DOCK3: variants seen among roughly 807,000 people sequenced by gnomAD.
DOCK3 encodes the protein dedicator of cytokinesis protein 3.
Under a neutral mutation model 265.6 loss-of-function variants are expected in DOCK3, and 60 were observed. That is an observed-to-expected ratio of 0.23 (90% CI 0.18 to 0.28). DOCK3 has a LOEUF of 0.28. DOCK3 is among the 10% of genes least tolerant of loss of function. The pLI, the probability that DOCK3 is intolerant of heterozygous loss-of-function variation, is 1.00. For synonymous variants in DOCK3, 881 were observed against 938.0 expected, an observed-to-expected ratio of 0.94 and a Z score of 1.11; for missense variants, 1,981 against 2,594.3, an observed-to-expected ratio of 0.76 and a Z score of 5.14.
intron 4 of DOCK3, among the ~76,000 whole-genome samples, chr3:50,892,440 C>G (rs2048686565): frequency 6.6e-6 from 1 of 152,032 alleles, no homozygotes; most frequent in African/African-American, 2.4e-5. Context: ...ACAGAGTAGA[C>G]ACGTTGAAAT....
In DOCK3 at chr3:51,075,263, A is replaced by T. The variant is rs569049127; in HGVS notation, c.465-93A>T. 1.6e-4 allele frequency: 159 copies of T among 1,000,254 alleles called. No individual in the cohort carries two copies. The South Asian group carries it at 2.3e-3, about 15-fold the overall frequency. 62.0% of individuals were successfully genotyped at this position (1,000,254 alleles called of 1,614,324 possible). A position where few individuals can be genotyped will look rare whatever the true frequency, so the allele number is the denominator to read the frequency against. On this transcript the variant is annotated intron_variant, in intron 6 of 52. Coordinates refer to ENST00000266037, the MANE Select transcript of DOCK3 (RefSeq NM_004947.5). Reference sequence around the variant, plus strand: ...TAGGACAGTGTCTGATCCTCTGTCCACAAGATGTGGCAGGTATGGGTTCCC... The same window carrying T: ...TAGGACAGTGTCTGATCCTCTGTCCTCAAGATGTGGCAGGTATGGGTTCCC...
chr3:51,153,647 C>A (rs1240203117), intron 10 of DOCK3, among the ~76,000 whole-genome samples: 1 of 152,086 alleles, frequency 6.6e-6, no homozygotes, highest in Non-Finnish European at 1.5e-5. Flanking sequence ...GAACAGAATC[C>A]CCTTGTTTCT....
At chr3:51,210,838 A>G (rs1174057240) in intron 13 of DOCK3, among the ~76,000 whole-genome samples, 2 of 152,208 alleles carry the variant, frequency 1.3e-5, no homozygotes, top group Non-Finnish European at 2.9e-5. Context: ...CAAGTCACAT[A>G]ATTTAAAAAT....
At chr3:51,296,601 T>G (rs1051398000) in intron 27 of DOCK3, among the ~76,000 whole-genome samples, 1 of 151,756 alleles carries the variant, frequency 6.6e-6, no homozygotes, top group African/African-American at 2.4e-5. Flanking sequence ...CTCAGCCTCT[T>G]GAGTAGCTGG....
intron 33 of DOCK3, 104 bp downstream of exon 33, chr3:51,330,327 A>C (rs1247745141): frequency 4.6e-6 from 5 of 1,087,628 alleles, no homozygotes; most frequent in Non-Finnish European, 5.3e-6. Flanking sequence ...GAGGTTGGTC[A>C]TCAAGAGGGA....
intron 27 of DOCK3, 99 bp from the exon 28 acceptor site, chr3:51,310,133 C>G (rs1000742432): frequency 5.7e-6 from 5 of 875,074 alleles, no homozygotes; most frequent in Non-Finnish European, 9.3e-6. Context: ...ACTCACTGGT[C>G]CCACCCATTG....
Position 51,357,901 on chromosome 3 carries a change from T to G in DOCK3, c.4767+60T>G, listed in dbSNP as rs1366898324. 3.7e-5 allele frequency: 60 copies of G among 1,613,310 alleles called. No individual in the cohort carries two copies. In the East Asian group the frequency reaches 1.2e-3, roughly 32 times the overall value. ...GTGAGAAAAGCCATGCACTACAAGA[T>G]GAGCAGTTCTCAGGGGCTACTCATG... On this transcript the variant is annotated intron_variant, in intron 45 of 52. Coordinates refer to ENST00000266037, the MANE Select transcript of DOCK3 (RefSeq NM_004947.5).
At chr3:51,069,590 G>C (rs745544080) in intron 6 of DOCK3, among the ~76,000 whole-genome samples, 2 of 147,008 alleles carry the variant, frequency 1.4e-5, no homozygotes, top group Non-Finnish European at 3.0e-5. Context: ...GTGTGTGTGT[G>C]TATATATATA....
chr3:51,357,871 G>A (rs2086466246), intron 45 of DOCK3, 30 bp downstream of exon 45: 2 of 1,613,882 alleles, frequency 1.2e-6, no homozygotes, highest in Admixed American at 1.7e-5. Flanking sequence ...GGAACCAGCA[G>A]CCAGGTGAGA....
chr3:51,161,193 C>A (rs1403703505), intron 12 of DOCK3, among the ~76,000 whole-genome samples: 1 of 151,914 alleles, frequency 6.6e-6, no homozygotes, highest in Non-Finnish European at 1.5e-5. Flanking sequence ...GCCTGTAATC[C>A]CAGCACTTTG....
chr3:50,891,099 A>G (rs1162235518), intron 4 of DOCK3, among the ~76,000 whole-genome samples: 1 of 152,030 alleles, frequency 6.6e-6, no homozygotes, highest in African/African-American at 2.4e-5. Context: ...GCCAAAAGCA[A>G]CTGGAGGCTG....
intron 6 of DOCK3, among the ~76,000 whole-genome samples, chr3:51,068,262 C>T (rs533379522): frequency 3.3e-4 from 50 of 152,176 alleles, no homozygotes; most frequent in Non-Finnish European, 6.3e-4. Context: ...ATGCCTTGGC[C>T]GGGCGCGGTG....
At chr3:51,181,822 A>G (rs2087313598) in intron 12 of DOCK3, among the ~76,000 whole-genome samples, 1 of 152,128 alleles carries the variant, frequency 6.6e-6, no homozygotes, top group African/African-American at 2.4e-5. Flanking sequence ...CCAGTATTTT[A>G]TCAGTAGAGG....
At chr3:50,720,969 T>A (rs1338641872) in intron 1 of DOCK3, among the ~76,000 whole-genome samples, 1 of 152,228 alleles carries the variant, frequency 6.6e-6, no homozygotes, top group Admixed American at 6.5e-5. Context: ...TGAGCTTTTT[T>A]TTTCATATGC....
At chr3:51,207,268 G>A (rs2089269751) in intron 12 of DOCK3, among the ~76,000 whole-genome samples, 1 of 152,108 alleles carries the variant, frequency 6.6e-6, no homozygotes, top group Non-Finnish European at 1.5e-5. Context: ...GTGAAATAAT[G>A]CAGATTGCCA....
At chr3:51,210,669 C>G (rs1055869262) in intron 13 of DOCK3, among the ~76,000 whole-genome samples, 2 of 152,068 alleles carry the variant, frequency 1.3e-5, no homozygotes, top group African/African-American at 2.4e-5. Context: ...ATAGATTGCT[C>G]AAGGAATATT....
chr3:51,176,660 A>C (rs1002810152), intron 12 of DOCK3, among the ~76,000 whole-genome samples: 6 of 152,140 alleles, frequency 3.9e-5, no homozygotes, highest in African/African-American at 1.2e-4. Context: ...GAGTAGGCAA[A>C]CATAGAGTCT....
In DOCK3 at chr3:51,361,285, G is replaced by A. The variant is rs189469155; in HGVS notation, c.5007-574G>A. On this transcript the variant is annotated intron_variant, in intron 47 of 52. Transcript: ENST00000266037. The surrounding 1 kb of genome is among the most constrained non-coding windows in gnomAD (Gnocchi z 4.2). ...CCAGTGTGAGCAGCAGCTCAGCACA[G>A]AGTGGGCACTTAGTAAATAAGGGAC... 2.6e-5 allele frequency among the ~76,000 whole-genome samples: 4 copies of A among 152,356 alleles called. No individual in the cohort carries two copies. The East Asian group carries it at 7.7e-4, about 29-fold the overall frequency.
At chr3:51,049,210 C>T (rs1575881576) in intron 5 of DOCK3, among the ~76,000 whole-genome samples, 1 of 151,950 alleles carries the variant, frequency 6.6e-6, no homozygotes, top group East Asian at 1.9e-4. Context: ...CGTGTAGTCC[C>T]AGCTACTCAG....
Sources: allele counts gnomAD v4.1 joint callset (sites outside exome capture counted in the v4.1 genomes callset), GRCh38; gene constraint gnomAD v4.1.1; non-coding constraint Gnocchi (gnomAD v3.1); transcripts MANE v1.5; gene names NCBI Gene and HGNC (gene_info 2026-07-23, HGNC 2026-07-21).